Variants in FRMD4B observed in about 807,000 individuals in gnomAD.
FRMD4B encodes FERM domain-containing protein 4B.
FRMD4B carries 74 observed loss-of-function variants against 141.5 expected under a neutral mutation model. The ratio of observed to expected loss-of-function variants is 0.52; its 90% CI spans 0.43 to 0.63. The LOEUF (loss-of-function observed/expected upper bound fraction) is 0.63. Among genes scored for constraint, FRMD4B ranks in the 30% least tolerant of loss-of-function variants. The pLI is 0.00. For missense variants in FRMD4B, 1,366 were observed against 1,253.4 expected, an observed-to-expected ratio of 1.09 and a Z score of -1.36; for synonymous variants, 506 against 467.9, an observed-to-expected ratio of 1.08 and a Z score of -1.05.
intron 5 of FRMD4B, among the ~76,000 whole-genome samples, chr3:69,250,885 T>G (rs1042675716): frequency 5.3e-5 from 8 of 151,830 alleles, no homozygotes; most frequent in African/African-American, 1.9e-4. Flanking sequence ...GCCAGGAGTT[T>G]GAGACCAGCT....
At chr3:69,174,663 T>C (rs1455721398) in intron 22 of FRMD4B, among the ~76,000 whole-genome samples, 1 of 152,158 alleles carries the variant, frequency 6.6e-6, no homozygotes, top group Non-Finnish European at 1.5e-5. Flanking sequence ...GTCTGATATA[T>C]ATGAGCAGAC....
chr3:69,480,369 G>A (rs7623108), intron 1 of FRMD4B, among the ~76,000 whole-genome samples: 66,168 of 151,924 alleles, frequency 0.44, 14,568 homozygotes, highest in East Asian at 0.51. Flanking sequence ...AGATGGTGAT[G>A]TTCAGATGGG....
At chr3:69,307,143 C>A (rs11706465) in intron 3 of FRMD4B, among the ~76,000 whole-genome samples, 138,596 of 151,996 alleles carry the variant, frequency 0.91, 64,546 homozygotes, top group East Asian at 1. Context: ...CGTCACTTGC[C>A]GGGGAGTGCA....
intron 1 of FRMD4B, chr3:69,536,356 T>G (rs1005474634): frequency 2.9e-6 from 2 of 683,680 alleles, no homozygotes; most frequent in East Asian, 5.5e-5. Flanking sequence ...TGCTTCGGAG[T>G]TGAGGGGCCT....
chr3:69,348,986 G>T (rs7636200), intron 1 of FRMD4B, among the ~76,000 whole-genome samples: 127 of 152,008 alleles, frequency 8.4e-4, no homozygotes, highest in Non-Finnish European at 1.5e-3. Flanking sequence ...CAATCAGGCA[G>T]GAGAAAGAAA....
chr3:69,527,354 C>T (rs1031070289), intron 1 of FRMD4B, among the ~76,000 whole-genome samples: 1 of 152,108 alleles, frequency 6.6e-6, no homozygotes, highest in African/African-American at 2.4e-5. Flanking sequence ...GGAGCGCAAA[C>T]CTGCCAAGCA....
intron 1 of FRMD4B, among the ~76,000 whole-genome samples, chr3:69,360,108 C>A (rs969807868): frequency 2.6e-5 from 4 of 152,124 alleles, no homozygotes; most frequent in African/African-American, 7.2e-5. Flanking sequence ...CCCTTTCTCT[C>A]TCCCTTTGTA....
intron 1 of FRMD4B, among the ~76,000 whole-genome samples, chr3:69,364,726 G>A (rs925698518): frequency 2.6e-5 from 4 of 152,012 alleles, no homozygotes; most frequent in Non-Finnish European, 2.9e-5. Context: ...GAGACAATTC[G>A]ACTCTGGTTA....
intron 2 of FRMD4B, among the ~76,000 whole-genome samples, chr3:69,312,371 G>A (rs1701627043): frequency 6.6e-6 from 1 of 152,176 alleles, no homozygotes; most frequent in Non-Finnish European, 1.5e-5. Flanking sequence ...CAGACATCTA[G>A]ACTAAAGGTC....
intron 1 of FRMD4B, among the ~76,000 whole-genome samples, chr3:69,530,959 C>A (rs1701001480): frequency 6.6e-6 from 1 of 152,138 alleles, no homozygotes; most frequent in Non-Finnish European, 1.5e-5. Flanking sequence ...ACCGGACAGA[C>A]AGAAATACCC....
intron 7 of FRMD4B, among the ~76,000 whole-genome samples, chr3:69,244,838 G>A (rs1400389445): frequency 2.0e-5 from 3 of 152,150 alleles, no homozygotes; most frequent in African/African-American, 7.2e-5. Flanking sequence ...AGGTTGCAAT[G>A]AGCTGCACTC....
intron 5 of FRMD4B, among the ~76,000 whole-genome samples, chr3:69,267,652 G>T (rs1490312511): frequency 6.3e-4 from 27 of 43,190 alleles, no homozygotes; most frequent in Middle Eastern, 0.011. Context: ...GAGAGAGAGA[G>T]AGAGAGAGAG....
intron 2 of FRMD4B, among the ~76,000 whole-genome samples, chr3:69,412,817 G>C (rs1272205143): frequency 2.1e-5 from 3 of 141,488 alleles, no homozygotes; most frequent in Non-Finnish European, 4.6e-5. Context: ...GGAGACCTAA[G>C]AGAATTCCAA....
At chr3:69,470,520 G>C (rs984308192) in intron 1 of FRMD4B, among the ~76,000 whole-genome samples, 3 of 151,884 alleles carry the variant, frequency 2.0e-5, no homozygotes, top group Non-Finnish European at 4.4e-5. Flanking sequence ...GAACAAAGAG[G>C]GTTTTATTTA....
chr3:69,195,744 G>T (rs1235976800), intron 14 of FRMD4B, among the ~76,000 whole-genome samples: 1 of 152,128 alleles, frequency 6.6e-6, no homozygotes, highest in Non-Finnish European at 1.5e-5. Context: ...AAAAATCAGT[G>T]TGAAGGAAGG....
At chr3:69,494,485 G>A (rs1387130956) in intron 1 of FRMD4B, among the ~76,000 whole-genome samples, 1 of 152,218 alleles carries the variant, frequency 6.6e-6, no homozygotes, top group African/African-American at 2.4e-5. Flanking sequence ...AAACGTATGT[G>A]GTCTGCCTCA....
intron 1 of FRMD4B, among the ~76,000 whole-genome samples, chr3:69,445,550 C>T (rs1705399906): frequency 6.6e-6 from 1 of 152,212 alleles, no homozygotes; most frequent in Non-Finnish European, 1.5e-5. Flanking sequence ...AACACTTAAA[C>T]TCCAGCTCCT....
At chr3:69,182,551 A>G in intron 20 of FRMD4B, 47 bp downstream of exon 20, 1 of 1,549,984 alleles carries the variant, frequency 6.5e-7, no homozygotes, top group Non-Finnish European at 8.7e-7. Flanking sequence ...CAGAACCTCA[A>G]AGCAAAAATC....
At chr3:69,335,732 G>GT (rs34854483) in intron 1 of FRMD4B, among the ~76,000 whole-genome samples, 541 of 137,726 alleles carry the variant, frequency 3.9e-3, no homozygotes, top group African/African-American at 4.6e-3. Context: ...GCAGGACTGA[G>GT]TTTTTTTTTT....
Sources: allele counts gnomAD v4.1 joint callset (sites outside exome capture counted in the v4.1 genomes callset), GRCh38; gene constraint gnomAD v4.1.1; transcripts MANE v1.5; gene names NCBI Gene and HGNC (gene_info 2026-07-23, HGNC 2026-07-21).